Variants in E2F5 observed in about 807,000 individuals in gnomAD.
E2F5 encodes the protein E2F transcription factor 5, also known as transcription factor E2F5.
In E2F5, 23 loss-of-function variants were observed where a neutral mutation model predicts 39.1. That is an observed-to-expected ratio of 0.59 (90% confidence interval 0.42 to 0.83). The LOEUF (loss-of-function observed/expected upper bound fraction) is 0.83, where lower values mean the gene tolerates loss of function less well. Among genes scored for constraint, E2F5 ranks in the 40% least tolerant of loss-of-function variants. E2F5 has a pLI of 0.00. For synonymous variants in E2F5, 145 were observed against 157.8 expected (o/e 0.92, Z 0.61); for missense variants, 365 against 406.7 (o/e 0.90, Z 0.88).
intron 5 of E2F5, among the ~76,000 whole-genome samples, chr8:85,208,316 G>A (rs967662147): frequency 9.2e-5 from 14 of 152,256 alleles, no homozygotes; most frequent in Admixed American, 4.6e-4. Context: ...CAACAAGAGT[G>A]AAACTCTGTA....
chr8:85,209,003 TTG>T, intron 5 of E2F5, 137 bp from the exon 6 acceptor site: 1 of 847,456 alleles, frequency 1.2e-6, no homozygotes, highest in East Asian at 2.6e-5. Flanking sequence ...GTCTCTACTT[TTG>T]TGTTTTGACT....
intron 3 of E2F5, among the ~76,000 whole-genome samples, chr8:85,204,109 A>G (rs1213863050): frequency 1.3e-5 from 2 of 152,128 alleles, no homozygotes; most frequent in Non-Finnish European, 2.9e-5. Flanking sequence ...TGTATGGATC[A>G]GAGCCCCTTA....
intron 1 of E2F5, among the ~76,000 whole-genome samples, chr8:85,186,780 T>C (rs1185908229): frequency 2.0e-5 from 3 of 147,912 alleles, no homozygotes; most frequent in African/African-American, 4.9e-5. Context: ...ATACGGTATA[T>C]ATAAGGTGTA....
intron 1 of E2F5, 100 bp downstream of exon 1, chr8:85,177,754 C>G (rs1425429430): frequency 1.8e-6 from 2 of 1,141,484 alleles, no homozygotes; most frequent in Non-Finnish European, 2.2e-6. Context: ...GGTGTAGACG[C>G]GCCTTGCGGG....
At chr8:85,190,596 C>T (rs753374835) in intron 1 of E2F5, among the ~76,000 whole-genome samples, 22 of 146,034 alleles carry the variant, frequency 1.5e-4, no homozygotes, top group African/African-American at 1.0e-4. Flanking sequence ...CTCCGTCTCC[C>T]GGGTTCAAGC....
chr8:85,191,723 G>A (rs1186883526), intron 1 of E2F5, among the ~76,000 whole-genome samples: 1 of 152,066 alleles, frequency 6.6e-6, no homozygotes, highest in Non-Finnish European at 1.5e-5. Context: ...CAGCAGCCTG[G>A]GTTTTTGCCT....
At chr8:85,213,555 A>AAAAAG in intron 7 of E2F5, 198 bp from the exon 8 acceptor site, 1 of 278,866 alleles carries the variant, frequency 3.6e-6, no homozygotes, top group South Asian at 6.4e-5. Flanking sequence ...AAAAAAAAAA[A>AAAAAG]AAAAAAGAAA....
rs191992318 is a variant in E2F5 at position 85,209,999 on chromosome 8, A to T, written c.883+590A>T. On this transcript the variant is annotated intron_variant, in intron 6 of 7. Coordinates refer to ENST00000416274, the MANE Select transcript of E2F5 (RefSeq NM_001951.4). ...CTTACTTTCCTCATTTGTTTCATTT[A>T]TGAAATTTTAAAAAGCTAAAACATT... 1.4e-4 allele frequency among the ~76,000 whole-genome samples: 21 copies of T among 152,294 alleles called. No homozygotes were observed. The East Asian group carries it at 4.1e-3, about 29-fold the overall frequency.
chr8:85,200,432 A>G (rs1026837086), intron 1 of E2F5: 1 of 448,006 alleles, frequency 2.2e-6, no homozygotes, highest in Non-Finnish European at 3.0e-6. Context: ...ATAAATATAA[A>G]TGATAAACAA....
chr8:85,203,188 C>T lies in E2F5; in HGVS notation c.439C>T (p.Leu147Phe). 6.2e-7 allele frequency: 1 copy of T among 1,607,984 alleles called. No individual in the cohort carries two copies. The highest frequency in any genetic ancestry group is 8.5e-7 in the Non-Finnish European group (1 of 1,176,912). Residue 147 changes from leucine (L) to phenylalanine (F), a missense_variant, in exon 3 of 8, where the codon CTT becomes TTT. Physicochemically the swap from Leu to Phe is conservative, Grantham distance 22. Coordinates refer to ENST00000416274, the MANE Select transcript of E2F5 (RefSeq NM_001951.4). The stretch of plus-strand genomic sequence containing the variant: ...AGATCTAGAACTGAAGGAAAGAGAA[C>T]TTGATCAGCAGAAGTTGTGGCTACA... ...IEDLELKERE[L>F]DQQKLWLQQS...
In E2F5 at chr8:85,214,148, TTTC is replaced by T; in HGVS notation, c.*292_*294del. On this transcript the variant is annotated 3_prime_UTR_variant, in exon 8 of 8. Transcript: ENST00000416274. ...CTTCTAATTGTGAATCCTTCTGTTT[TTTC>T]TTCTTAAGGAGGAAAGTTAAAGGAC... 5.5e-6 allele frequency: 3 copies of T among 542,300 alleles called. No homozygotes were observed. Among genetic ancestry groups the T allele is most frequent in the South Asian group, 1.6e-5 (1 of 64,476 alleles). 33.6% of individuals were successfully genotyped at this position (542,300 alleles called of 1,614,324 possible). A position where few individuals can be genotyped will look rare whatever the true frequency, so the allele number is the denominator to read the frequency against.
At chr8:85,209,461 A>G (rs922690812) in intron 6 of E2F5, 52 bp downstream of exon 6, 2 of 1,520,748 alleles carry the variant, frequency 1.3e-6, no homozygotes, top group Non-Finnish European at 1.8e-6. Context: ...ATATAAAAAC[A>G]GGTTGGCTCT....
chr8:85,187,165 A>G (rs1343288057), intron 1 of E2F5, among the ~76,000 whole-genome samples: 1 of 152,118 alleles, frequency 6.6e-6, no homozygotes, highest in African/African-American at 2.4e-5. Context: ...ATTTTGTCAG[A>G]AAAGATACTT....
At chr8:85,207,516 A>C (rs1268667362) in intron 5 of E2F5, 27 bp downstream of exon 5, 1 of 1,523,016 alleles carries the variant, frequency 6.6e-7, no homozygotes, top group African/African-American at 1.4e-5. Context: ...ATGTTTATAT[A>C]AGTGGGAAAA....
intron 1 of E2F5, among the ~76,000 whole-genome samples, chr8:85,199,157 CT>C (rs937366096): frequency 4.6e-5 from 7 of 152,148 alleles, no homozygotes; most frequent in African/African-American, 1.7e-4. Flanking sequence ...TCTTTATCTC[CT>C]TTTTCCATTT....
At chr8:85,187,270 G>A (rs186076477) in intron 1 of E2F5, among the ~76,000 whole-genome samples, 46 of 152,190 alleles carry the variant, frequency 3.0e-4, no homozygotes, top group Admixed American at 4.6e-4. Flanking sequence ...GTTGAGAAGC[G>A]TGTGTATTCT....
chr8:85,194,634 A>C (rs532110798), intron 1 of E2F5, among the ~76,000 whole-genome samples: 1 of 145,778 alleles, frequency 6.9e-6, no homozygotes, highest in African/African-American at 2.6e-5. Flanking sequence ...ACCCAGGTTT[A>C]AGTGATTCTC....
intron 3 of E2F5, among the ~76,000 whole-genome samples, chr8:85,204,291 T>A (rs1359408728): frequency 1.3e-5 from 2 of 152,144 alleles, no homozygotes; most frequent in African/African-American, 4.8e-5. Flanking sequence ...CTGTATATTA[T>A]GGTATTTTGA....
chr8:85,213,625 G>T (rs1200237607), intron 7 of E2F5, 128 bp from the exon 8 acceptor site: 3 of 422,940 alleles, frequency 7.1e-6, no homozygotes, highest in Non-Finnish European at 1.3e-5. Flanking sequence ...GTTACTAAAT[G>T]AGAATATTTC....
Sources: allele counts gnomAD v4.1 joint callset (sites outside exome capture counted in the v4.1 genomes callset), GRCh38; gene constraint gnomAD v4.1.1; transcripts MANE v1.5; gene names NCBI Gene and HGNC (gene_info 2026-07-23, HGNC 2026-07-21).